Variants in ATP9B observed in about 807,000 individuals in gnomAD.
ATP9B encodes ATPase phospholipid transporting 9B.
Under a neutral mutation model 146.1 loss-of-function variants are expected in ATP9B, and 110 were observed. That is an observed-to-expected ratio of 0.75 (90% confidence interval 0.65 to 0.88). ATP9B has a LOEUF of 0.88. Ranked by LOEUF, ATP9B falls within the 40% of genes least tolerant of loss-of-function variation. The probability of loss-of-function intolerance (pLI) is 0.00; values close to 1 mark genes in which losing one functional copy is unlikely to be tolerated. For synonymous variants in ATP9B, 604 were observed against 569.7 expected, an observed-to-expected ratio of 1.06 and a Z score of -0.86; for missense variants, 1,499 against 1,496.4, an observed-to-expected ratio of 1.00 and a Z score of -0.03.
chr18:79,251,994 C>G (rs2096028925), intron 11 of ATP9B, among the ~76,000 whole-genome samples: 1 of 152,234 alleles, frequency 6.6e-6, no homozygotes, highest in African/African-American at 2.4e-5. Context: ...GTTCCCTGAC[C>G]TAGTGATGCC....
At chr18:79,247,173 C>T (rs1223971556) in intron 11 of ATP9B, among the ~76,000 whole-genome samples, 1 of 152,172 alleles carries the variant, frequency 6.6e-6, no homozygotes, top group African/African-American at 2.4e-5. Context: ...CATGTGCTGA[C>T]CTTTCATATA....
intron 6 of ATP9B, chr18:79,144,660 C>T (rs1223720034): frequency 1.3e-5 from 2 of 152,250 alleles, no homozygotes; most frequent in Non-Finnish European, 2.9e-5. Context: ...TAAATCATCT[C>T]TAGTTGATTT....
chr18:79,094,342 G>C lies in ATP9B; in HGVS notation c.120-2134G>C, dbSNP rs2146728265. On this transcript the variant is annotated intron_variant, in intron 1 of 29. Transcript: ENST00000426216. ...TTCTCCACTGTCTGGTTTATCCCAT[G>C]TCTCCAATTTCCAGGGTTGTTTTTT... Among the ~76,000 whole-genome samples, 2 of 152,314 alleles carry C rather than the reference G, an allele frequency of 1.3e-5. 1 individual carries two copies. Among genetic ancestry groups the C allele is most frequent in the South Asian group, 4.1e-4 (2 of 4,832 alleles).
intron 12 of ATP9B, among the ~76,000 whole-genome samples, chr18:79,262,463 A>G (rs1258197994): frequency 6.6e-6 from 1 of 152,152 alleles, no homozygotes; most frequent in African/African-American, 2.4e-5. Flanking sequence ...TGGGGAACAG[A>G]GAAGTCATTT....
chr18:79,208,108 G>T (rs964885199), intron 10 of ATP9B, among the ~76,000 whole-genome samples: 1 of 152,134 alleles, frequency 6.6e-6, no homozygotes, highest in Non-Finnish European at 1.5e-5. Flanking sequence ...AGCCGGGCGT[G>T]GTGGCGGGCG....
At chr18:79,245,009 T>C (rs2144796917) in intron 11 of ATP9B, among the ~76,000 whole-genome samples, 1 of 152,316 alleles carries the variant, frequency 6.6e-6, no homozygotes, top group East Asian at 1.9e-4. Context: ...GTGTGCCTTG[T>C]AAAGAAGCAT....
intron 11 of ATP9B, among the ~76,000 whole-genome samples, chr18:79,231,553 TACA>T (rs1251786761): frequency 6.6e-6 from 1 of 152,040 alleles, no homozygotes; most frequent in Non-Finnish European, 1.5e-5. Flanking sequence ...TGTAAACTAG[TACA>T]ACCACTATGG....
chr18:79,114,269 T>C (rs1278647191), intron 4 of ATP9B, among the ~76,000 whole-genome samples: 1 of 152,000 alleles, frequency 6.6e-6, no homozygotes, highest in Non-Finnish European at 1.5e-5. Context: ...CACTACTTCC[T>C]TTTTTTTGAT....
chr18:79,129,004 C>A (rs984671938), intron 5 of ATP9B, among the ~76,000 whole-genome samples: 5 of 152,188 alleles, frequency 3.3e-5, no homozygotes, highest in Admixed American at 1.3e-4. Flanking sequence ...TCCCAGTTTG[C>A]AGCTTATTCC....
Position 79,207,026 on chromosome 18 carries a change from T to G in ATP9B, c.1030+14T>G, listed in dbSNP as rs371402254. 5.6e-6 allele frequency: 9 copies of G among 1,610,414 alleles called. No individual in the cohort carries two copies. The African/African-American group carries it at 1.1e-4, about 19-fold the overall frequency. On this transcript the variant is annotated intron_variant, in intron 10 of 29. Transcript: ENST00000426216. ...TTGTTGCATCAGGTAAGGAAAACAT[T>G]CTCCTCTGAGTGTGATTGCTCCCGG...
At chr18:79,214,415 T>G (rs1319407089) in intron 11 of ATP9B, among the ~76,000 whole-genome samples, 2 of 152,244 alleles carry the variant, frequency 1.3e-5, no homozygotes, top group East Asian at 3.8e-4. Context: ...ATTAATGTTT[T>G]TATACTATTT....
chr18:79,263,191 C>T (rs182277928), intron 12 of ATP9B, among the ~76,000 whole-genome samples: 1 of 152,190 alleles, frequency 6.6e-6, no homozygotes, highest in East Asian at 1.9e-4. Flanking sequence ...TAAAGGTTTG[C>T]CACCTAAAAA....
intron 11 of ATP9B, among the ~76,000 whole-genome samples, chr18:79,242,269 A>G (rs1320383212): frequency 1.3e-5 from 2 of 152,228 alleles, no homozygotes; most frequent in Admixed American, 6.5e-5. Context: ...CTGATAAGCC[A>G]TAGTCAGGGC....
chr18:79,110,540 G>T lies in ATP9B; in HGVS notation c.444+35G>T, dbSNP rs758019523. ...TTGCATTCTTGGAGATGGGTTGTGT[G>T]TCAGAGATTGCTGGCTTCCTTTGCT... On this transcript the variant is annotated intron_variant, in intron 3 of 29. Coordinates refer to ENST00000426216, the MANE Select transcript of ATP9B (RefSeq NM_198531.5). 4.6e-5 allele frequency: 73 copies of T among 1,572,968 alleles called. No individual in the cohort carries two copies. In the South Asian group the frequency reaches 8.5e-4, roughly 18 times the overall value.
chr18:79,325,009 G>T (rs115562585), intron 15 of ATP9B, among the ~76,000 whole-genome samples: 389 of 152,318 alleles, frequency 2.6e-3, no homozygotes, highest in African/African-American at 8.9e-3. Flanking sequence ...AGCCATGTGG[G>T]GAAGATGAAG....
chr18:79,269,515 CGTTT>C (rs1475607114), intron 12 of ATP9B, among the ~76,000 whole-genome samples: 1 of 151,910 alleles, frequency 6.6e-6, no homozygotes, highest in Non-Finnish European at 1.5e-5. Context: ...TTTATGTATC[CGTTT>C]GTTTTATAAT....
At chr18:79,240,017 G>A (rs972278322) in intron 11 of ATP9B, among the ~76,000 whole-genome samples, 4 of 152,168 alleles carry the variant, frequency 2.6e-5, no homozygotes, top group Non-Finnish European at 5.9e-5. Context: ...GCTTGCCTGC[G>A]CTCTCTGGAA....
chr18:79,269,133 G>T (rs1259287942), intron 12 of ATP9B, among the ~76,000 whole-genome samples: 1 of 152,180 alleles, frequency 6.6e-6, no homozygotes, highest in Non-Finnish European at 1.5e-5. Flanking sequence ...CTCTTCAGAT[G>T]CTGCCCCGTC....
chr18:79,283,380 G>T (rs889459065), intron 13 of ATP9B, among the ~76,000 whole-genome samples: 6 of 152,192 alleles, frequency 3.9e-5, no homozygotes, highest in African/African-American at 1.2e-4. Flanking sequence ...GCTGTCTCAG[G>T]AGCCTTAATG....
Sources: gnomAD v4.1 joint callset for allele counts (sites outside exome capture counted in the v4.1 genomes callset) on GRCh38, gnomAD v4.1.1 for gene constraint, MANE v1.5 for transcripts, NCBI Gene and HGNC (gene_info 2026-07-23, HGNC 2026-07-21) for gene names.